Variants in KCNMB2 observed in about 807,000 individuals in gnomAD.
KCNMB2 encodes the protein calcium-activated potassium channel subunit beta-2.
Under a neutral mutation model 24.5 loss-of-function variants are expected in KCNMB2, and 9 were observed. That is an observed-to-expected ratio of 0.37 (90% CI 0.22 to 0.64). The LOEUF (loss-of-function observed/expected upper bound fraction) is 0.64, where lower values mean the gene tolerates loss of function less well. Among genes scored for constraint, KCNMB2 ranks in the 30% least tolerant of loss-of-function variants. KCNMB2 has a pLI of 0.63. For missense variants in KCNMB2, 226 were observed against 284.3 expected, an observed-to-expected ratio of 0.79 and a Z score of 1.47; for synonymous variants, 109 against 104.4, an observed-to-expected ratio of 1.04 and a Z score of -0.27.
intron 1 of KCNMB2, among the ~76,000 whole-genome samples, chr3:178,711,415 T>C (rs561273482): frequency 6.6e-6 from 1 of 152,270 alleles, no homozygotes; most frequent in East Asian, 1.9e-4. Context: ...ACTTCTACCA[T>C]ACCCATCACC....
At chr3:178,774,638 C>T (rs1040607933) in intron 1 of KCNMB2, among the ~76,000 whole-genome samples, 1 of 152,192 alleles carries the variant, frequency 6.6e-6, no homozygotes, top group Non-Finnish European at 1.5e-5. Flanking sequence ...GAAAAGCACA[C>T]ACTGAGGGCA....
At chr3:178,706,058 C>T (rs892032689) in intron 1 of KCNMB2, among the ~76,000 whole-genome samples, 2 of 152,160 alleles carry the variant, frequency 1.3e-5, no homozygotes, top group Non-Finnish European at 1.5e-5. Flanking sequence ...TTTGTCTTGT[C>T]GGAGCTCACA....
chr3:178,615,080 C>G (rs1264886148), intron 1 of KCNMB2, among the ~76,000 whole-genome samples: 1 of 152,210 alleles, frequency 6.6e-6, no homozygotes, highest in Non-Finnish European at 1.5e-5. Flanking sequence ...GATTACCTGA[C>G]AGAAACTCCT....
In KCNMB2 at chr3:178,714,874, T is replaced by C. The variant is rs184609959; in HGVS notation, c.-67-92469T>C. ...AAATCACGGCTGCACCAGTCTCCTG[T>C]CTAGAAAAAACATCTAGACTTCTGT... On this transcript the variant is annotated intron_variant, in intron 1 of 4. Transcript: ENST00000452583. Among the ~76,000 whole-genome samples the C allele has an allele frequency of 7.2e-5, 11 of 152,320 alleles. No homozygotes were observed. In the East Asian group the frequency reaches 2.1e-3, roughly 29 times the overall value.
chr3:178,561,353 A>G (rs1035697227), intron 1 of KCNMB2, among the ~76,000 whole-genome samples: 8 of 152,228 alleles, frequency 5.3e-5, no homozygotes, highest in African/African-American at 1.9e-4. Flanking sequence ...CAATAAAAAC[A>G]AAACAATGCT....
chr3:178,741,592 C>A (rs370981662), intron 1 of KCNMB2, among the ~76,000 whole-genome samples: 1 of 152,174 alleles, frequency 6.6e-6, no homozygotes, highest in Non-Finnish European at 1.5e-5. Context: ...CAATCCTTTT[C>A]CTGTAGGCTG....
chr3:178,752,510 C>G (rs1560002183), intron 1 of KCNMB2, among the ~76,000 whole-genome samples: 1 of 152,076 alleles, frequency 6.6e-6, no homozygotes, highest in Non-Finnish European at 1.5e-5. Context: ...AGTTTATGGT[C>G]TATCTTGGAG....
At chr3:178,779,794 T>C (rs1712747663) in intron 1 of KCNMB2, among the ~76,000 whole-genome samples, 3 of 152,166 alleles carry the variant, frequency 2.0e-5, no homozygotes, top group African/African-American at 7.2e-5. Context: ...AAATCATTCA[T>C]GATCAAGGTC....
At chr3:178,690,327 A>G (rs971021782) in intron 1 of KCNMB2, among the ~76,000 whole-genome samples, 2 of 152,142 alleles carry the variant, frequency 1.3e-5, no homozygotes, top group Non-Finnish European at 2.9e-5. Context: ...GGGCAAAAAA[A>G]AAAGCCTCCA....
intron 1 of KCNMB2, among the ~76,000 whole-genome samples, chr3:178,761,136 G>A (rs950273516): frequency 1.3e-5 from 2 of 152,256 alleles, no homozygotes; most frequent in African/African-American, 4.8e-5. Flanking sequence ...CTAACTCCGA[G>A]TCTGAATGAA....
intron 1 of KCNMB2, among the ~76,000 whole-genome samples, chr3:178,745,845 C>G (rs1488756263): frequency 6.6e-6 from 1 of 152,238 alleles, no homozygotes; most frequent in Non-Finnish European, 1.5e-5. Flanking sequence ...CTCCATGTCT[C>G]ACATCCAGGT....
chr3:178,538,540 A>T (rs1220698908), intron 1 of KCNMB2, among the ~76,000 whole-genome samples: 1 of 152,200 alleles, frequency 6.6e-6, no homozygotes, highest in Non-Finnish European at 1.5e-5. Flanking sequence ...GGTCTTACCG[A>T]TATCTTCTGA....
chr3:178,775,813 C>T (rs1465466356), intron 1 of KCNMB2, among the ~76,000 whole-genome samples: 1 of 152,154 alleles, frequency 6.6e-6, no homozygotes, highest in East Asian at 1.9e-4. Context: ...TCCTCTGGGG[C>T]TCCCAAGAAC....
intron 1 of KCNMB2, among the ~76,000 whole-genome samples, chr3:178,649,658 G>A (rs7641339): frequency 0.5 from 76,186 of 151,886 alleles, 19,553 homozygotes; most frequent in African/African-American, 0.61. Flanking sequence ...TATTTGAGTA[G>A]AGGTGTTTAT....
intron 1 of KCNMB2, among the ~76,000 whole-genome samples, chr3:178,787,217 T>C (rs551454078): frequency 4.2e-4 from 64 of 152,348 alleles, no homozygotes; most frequent in Middle Eastern, 3.4e-3. Flanking sequence ...ATCTAATATA[T>C]ATGTAATTCA....
chr3:178,820,798 T>C (rs1457528182), intron 2 of KCNMB2: 1 of 152,268 alleles, frequency 6.6e-6, no homozygotes, highest in Non-Finnish European at 1.5e-5. Context: ...ACACTTTTGT[T>C]ATACTTGGAT....
At chr3:178,618,500 G>A (rs976577804) in intron 1 of KCNMB2, among the ~76,000 whole-genome samples, 5 of 152,142 alleles carry the variant, frequency 3.3e-5, no homozygotes, top group African/African-American at 1.2e-4. Context: ...TTGCATTCAG[G>A]GGTCAAGCAT....
chr3:178,823,459 C>T (rs1714713820), intron 2 of KCNMB2, among the ~76,000 whole-genome samples: 1 of 152,190 alleles, frequency 6.6e-6, no homozygotes, highest in Non-Finnish European at 1.5e-5. Flanking sequence ...AATGGGCTCA[C>T]TTCTCAAGGA....
At chr3:178,659,096 G>A (rs548188293) in intron 1 of KCNMB2, among the ~76,000 whole-genome samples, 138 of 152,288 alleles carry the variant, frequency 9.1e-4, no homozygotes, top group African/African-American at 3.2e-3. Context: ...CAAAGCAATC[G>A]GCTAAGGATA....
Sources: gnomAD v4.1 joint callset for allele counts (sites outside exome capture counted in the v4.1 genomes callset) on GRCh38, gnomAD v4.1.1 for gene constraint, MANE v1.5 for transcripts, NCBI Gene and HGNC (gene_info 2026-07-23, HGNC 2026-07-21) for gene names.